The following ABCA3 variants were observed in gnomAD, a reference collection of about 807,000 sequenced individuals.
ABCA3 encodes the protein ATP binding cassette subfamily A member 3, also known as phospholipid-transporting ATPase ABCA3.
ABCA3 carries 88 observed loss-of-function variants against 172.8 expected under a neutral mutation model. That is an observed-to-expected ratio of 0.51 (90% CI 0.43 to 0.61). The LOEUF (loss-of-function observed/expected upper bound fraction) is 0.61. ABCA3 is among the 20% of genes least tolerant of loss of function. The pLI, the probability that ABCA3 is intolerant of heterozygous loss-of-function variation, is 0.00. For synonymous variants in ABCA3, 1,066 were observed against 983.8 expected, an observed-to-expected ratio of 1.08 and a Z score of -1.56; for missense variants, 2,164 against 2,301.0, an observed-to-expected ratio of 0.94 and a Z score of 1.22.
chr16:2,331,517 C>T, intron 1 of ABCA3, among the ~76,000 whole-genome samples: 1 of 152,204 alleles, frequency 6.6e-6, no homozygotes, highest in East Asian at 1.9e-4. Flanking sequence ...ATCTCTGTGC[C>T]CCCACGGCAC....
Position 2,297,386 on chromosome 16 carries a change from T to G in ABCA3, c.2206A>C (p.Met736Leu). The change falls in exon 17 of 33, where the codon ATG becomes CTG. Residue 736 changes from methionine to leucine, a missense_variant. Around this residue, in one of 3 missense-constraint regions of ABCA3, gnomAD observed 1,343 missense variants for 1,369.6 expected, o/e 0.98. Coordinates refer to ENST00000301732, the MANE Select transcript of ABCA3 (RefSeq NM_001089.3). This position sits in a 1 kb window ranked among gnomAD's most constrained non-coding sequence, Gnocchi z 5.6. ...ADLLGDRIAI[M>L]AKGELQCCGS... ...CAGCACTGCAGCTCCCCCTTGGCCA[T>G]GATGGCGATGCGGTCTCCCAGCAGG... The G allele has an allele frequency of 1.2e-6, 2 of 1,613,410 alleles. No homozygotes were observed. The highest frequency in any genetic ancestry group is 1.7e-6 in the Non-Finnish European group (2 of 1,179,988).
chr16:2,313,869 G>A (rs1053283127), intron 10 of ABCA3, among the ~76,000 whole-genome samples: 5 of 150,876 alleles, frequency 3.3e-5, no homozygotes, highest in Admixed American at 6.6e-5. Context: ...CTTAGCCTGG[G>A]CAACAGAGCG....
rs146206406 is a variant in ABCA3 at position 2,334,182 on chromosome 16, G to A, written c.-538-4328C>T. On this transcript the variant is annotated intron_variant, in intron 1 of 32. Transcript: ENST00000301732. The stretch of plus-strand genomic sequence containing the variant: ...ATGGGGGGAGGTGACATGGGAAGCC[G>A]GTCTTGAATGACTCATTAGTTGGGA... Among the ~76,000 whole-genome samples the A allele has an allele frequency of 2.0e-5, 3 of 152,240 alleles. No homozygotes were observed. In the East Asian group the frequency reaches 5.8e-4, roughly 29 times the overall value.
chr16:2,292,461 G>C (rs1305219646), intron 18 of ABCA3, among the ~76,000 whole-genome samples: 1 of 152,016 alleles, frequency 6.6e-6, no homozygotes, highest in Non-Finnish European at 1.5e-5. Context: ...TTAGCCACGT[G>C]TGGTAGCAGG....
At chr16:2,299,014 G>A (rs1328614229) in intron 14 of ABCA3, among the ~76,000 whole-genome samples, 5 of 152,046 alleles carry the variant, frequency 3.3e-5, no homozygotes, top group East Asian at 3.9e-4. Flanking sequence ...CACAGACAGA[G>A]GCGGTGAGGA....
At chr16:2,314,208 C>T (rs1187373467) in intron 10 of ABCA3, among the ~76,000 whole-genome samples, 3 of 152,162 alleles carry the variant, frequency 2.0e-5, no homozygotes, top group African/African-American at 4.8e-5. Flanking sequence ...AGCCACAACA[C>T]AGGGGCATCC....
In ABCA3 at chr16:2,295,628, G is replaced by A. The variant is rs145858649; in HGVS notation, c.2376C>T (p.Ala792=). 3.0e-5 allele frequency: 49 copies of A among 1,613,924 alleles called. 1 individual carries two copies. The African/African-American group carries it at 4.0e-4, about 13-fold the overall frequency. The change falls in exon 18 of 33, where the codon GCC becomes GCT. Residue 792 remains alanine, a synonymous_variant. Transcript: ENST00000301732. ...PNATLESSAG[A]ELSFILPRES... Reference sequence around the variant, plus strand: ...CTCTGGGAAGGATGAAAGACAGCTCGGCCCCAGCGCTGCTCTCCAGCGTGG... The same window carrying A: ...CTCTGGGAAGGATGAAAGACAGCTCAGCCCCAGCGCTGCTCTCCAGCGTGG...
At chr16:2,325,795 G>C (rs1407444483) in intron 5 of ABCA3, among the ~76,000 whole-genome samples, 3 of 152,196 alleles carry the variant, frequency 2.0e-5, no homozygotes, top group Admixed American at 6.5e-5. Context: ...CGGACCCAAA[G>C]GAGAGACTGC....
intron 1 of ABCA3, among the ~76,000 whole-genome samples, chr16:2,333,436 G>A (rs2093746564): frequency 6.6e-6 from 1 of 152,198 alleles, no homozygotes; most frequent in African/African-American, 2.4e-5. Flanking sequence ...CACATTTGGT[G>A]CTTTTCCTTC....
rs960589057 is a variant in ABCA3 at position 2,340,578 on chromosome 16, C to T, written c.-544G>A. The T allele has an allele frequency of 6.7e-6, 1 of 148,824 alleles. No homozygotes were observed. The highest frequency in any genetic ancestry group is 2.4e-5 in the African/African-American group (1 of 41,092). The allele number at this position is 148,824 out of a possible 1,614,324, so 9.2% of individuals were successfully genotyped here. A position where few individuals can be genotyped will look rare whatever the true frequency, so the allele number is the denominator to read the frequency against. ...CGGGTCCCGGCGGCACTCACCGAGC[C>T]TGGGCGCCGGGGCGGCGGCGGCCGG... is the stretch of plus-strand genomic sequence containing the variant. On this transcript the variant is annotated 5_prime_UTR_variant, in exon 1 of 33. Coordinates refer to ENST00000301732, the MANE Select transcript of ABCA3 (RefSeq NM_001089.3).
Position 2,297,819 on chromosome 16 carries a change from C to A in ABCA3, c.1999G>T (p.Gly667Trp). Reference sequence around the variant, plus strand: ...ATGGAGAGCTTGCGCCTCATGCCCCCGCTCAGGAAGCGGCTCCGTGAGTTC... The same window carrying A: ...ATGGAGAGCTTGCGCCTCATGCCCCAGCTCAGGAAGCGGCTCCGTGAGTTC... ...KWNSRSRFLS[G>W]GMRRKLSIGI... The change falls in exon 16 of 33, where the codon GGG becomes TGG. Residue 667 changes from glycine (G) to tryptophan (W), a missense_variant. Transcript: ENST00000301732. The surrounding 1 kb of genome is among the most constrained non-coding windows in gnomAD (Gnocchi z 5.6). 6.2e-7 allele frequency: 1 copy of A among 1,613,692 alleles called. No homozygotes were observed. The highest frequency in any genetic ancestry group is 8.5e-7 in the Non-Finnish European group (1 of 1,180,040).
At position 2,321,449 on chromosome 16, in the gene ABCA3, T is replaced by A. The variant is rs2093725957; in HGVS notation, c.614-1609A>T. On this transcript the variant is annotated intron_variant, in intron 7 of 32. Coordinates refer to ENST00000301732, the MANE Select transcript of ABCA3 (RefSeq NM_001089.3). Reference sequence around the variant, plus strand: ...CCTGCCTGGCACTTGTGTCTCAGAATCATGCCTCATGGAGGGATGGGACGT... The same window carrying A: ...CCTGCCTGGCACTTGTGTCTCAGAAACATGCCTCATGGAGGGATGGGACGT... 2.6e-5 allele frequency among the ~76,000 whole-genome samples: 4 copies of A among 152,286 alleles called. No individual in the cohort carries two copies. In the South Asian group the frequency reaches 8.3e-4, roughly 32 times the overall value.
At chr16:2,332,469 A>C in intron 1 of ABCA3, 1 of 989,980 alleles carries the variant, frequency 1.0e-6, no homozygotes, top group Non-Finnish European at 1.6e-6. Flanking sequence ...ACTTCTGGTA[A>C]TAGGCCACCA....
chr16:2,337,820 T>C (rs1228895116), intron 1 of ABCA3, among the ~76,000 whole-genome samples: 1 of 152,226 alleles, frequency 6.6e-6, no homozygotes, highest in Non-Finnish European at 1.5e-5. Flanking sequence ...GATGGAGCCC[T>C]AGCTTGCTGG....
intron 1 of ABCA3, among the ~76,000 whole-genome samples, chr16:2,336,423 A>G (rs118055416): frequency 0.028 from 4,258 of 151,476 alleles, 86 homozygotes; most frequent in East Asian, 0.096. Context: ...GGCCTGAAAT[A>G]TACAGAACTT....
At chr16:2,322,822 A>C (rs936150762) in intron 7 of ABCA3, among the ~76,000 whole-genome samples, 4 of 152,080 alleles carry the variant, frequency 2.6e-5, no homozygotes, top group African/African-American at 9.7e-5. Context: ...ATTAAACTCA[A>C]GAGCTTCTGC....
Position 2,300,042 on chromosome 16 carries a change from T to C in ABCA3, c.1574A>G (p.Asp525Gly), listed in dbSNP as rs2093686513. 4 of 1,613,054 alleles carry C rather than the reference T, an allele frequency of 2.5e-6. No homozygotes were observed. The highest frequency in any genetic ancestry group is 3.4e-6 in the Non-Finnish European group (4 of 1,179,882). Residue 525 changes from aspartate (D) to glycine (G), a missense_variant, in exon 13 of 33, where the codon GAC becomes GGC. Physicochemically the swap from Asp to Gly is moderately conservative, Grantham distance 94 (BLOSUM62 -1). This residue lies in a region of ABCA3 where 1,343 missense variants were observed against 1,369.6 expected (regional missense o/e 0.98). Transcript: ENST00000301732. ...CTTGATCTTGATCCCCGCCACCAGG[T>C]CCTCTGGCTCGGCTTCAAAGTACTC... ...RNEYFEAEPE[D>G]LVAGIKIKHL...
At chr16:2,300,203 C>T in intron 12 of ABCA3, 55 bp from the exon 13 acceptor site, 1 of 1,609,878 alleles carries the variant, frequency 6.2e-7, no homozygotes, top group Non-Finnish European at 8.5e-7. Flanking sequence ...AGCAAAGCAA[C>T]AACCAGCAGA....
chr16:2,319,251 C>T (rs1207990256), intron 8 of ABCA3, among the ~76,000 whole-genome samples: 10 of 152,012 alleles, frequency 6.6e-5, no homozygotes, highest in East Asian at 1.9e-4. Context: ...TTCTGGAGGC[C>T]GAGGCGGGCG....
Sources: allele counts gnomAD v4.1 joint callset (sites outside exome capture counted in the v4.1 genomes callset), GRCh38; gene constraint gnomAD v4.1.1; regional missense constraint gnomAD v4.1.1; non-coding constraint Gnocchi (gnomAD v3.1); transcripts MANE v1.5; gene names NCBI Gene and HGNC (gene_info 2026-07-23, HGNC 2026-07-21).